TBC1D13: variants seen among roughly 807,000 people sequenced by gnomAD.
TBC1D13 encodes TBC1 domain family member 13, also known as epididymis secretory sperm binding protein.
Under a neutral mutation model 53.6 loss-of-function variants are expected in TBC1D13, and 40 were observed. That is an observed-to-expected ratio of 0.75 (90% CI 0.58 to 0.97). The LOEUF is 0.97. Among genes scored for constraint, TBC1D13 ranks in the 50% least tolerant of loss-of-function variants. The probability of loss-of-function intolerance (pLI) is 0.00; values close to 1 mark genes in which losing one functional copy is unlikely to be tolerated. For missense variants in TBC1D13, 377 were observed against 499.4 expected, an observed-to-expected ratio of 0.75 and a Z score of 2.34; for synonymous variants, 182 against 197.7, an observed-to-expected ratio of 0.92 and a Z score of 0.67.
chr9:128,795,485 G>T (rs573087281), intron 6 of TBC1D13, among the ~76,000 whole-genome samples: 2 of 94,356 alleles, frequency 2.1e-5, no homozygotes, highest in African/African-American at 4.3e-5. Context: ...TTTTGGGAAG[G>T]AGTCTCACTC....
At chr9:128,806,616 G>T (rs1253335901) in intron 11 of TBC1D13, among the ~76,000 whole-genome samples, 2 of 152,182 alleles carry the variant, frequency 1.3e-5, no homozygotes, top group Admixed American at 6.5e-5. Flanking sequence ...GCCATGCTCA[G>T]GCCCGGGGAA....
At chr9:128,796,410 C>T (rs967397304) in intron 6 of TBC1D13, among the ~76,000 whole-genome samples, 4 of 152,102 alleles carry the variant, frequency 2.6e-5, no homozygotes, top group African/African-American at 4.8e-5. Flanking sequence ...CCACCACGCC[C>T]GGGTAATTTT....
chr9:128,788,841 C>T (rs1250414566), intron 2 of TBC1D13, among the ~76,000 whole-genome samples: 1 of 152,178 alleles, frequency 6.6e-6, no homozygotes, highest in Non-Finnish European at 1.5e-5. Context: ...GTCTAAGCTG[C>T]CTGAACTAAA....
chr9:128,797,193 G>C lies in TBC1D13; in HGVS notation c.522G>C (p.Arg174=), dbSNP rs761339960. ...CACTGAAATCTCAGACGGTGGCCCG[G>C]AACCGGAGTGGGGTCACAAATGTGA... ...QTTLKSQTVA[R]NRSGVTNMSS... The change falls in exon 7 of 12, where the codon CGG becomes CGC. Residue 174 remains arginine (R), a synonymous_variant. Coordinates refer to ENST00000372648, the MANE Select transcript of TBC1D13 (RefSeq NM_018201.5). 8 of 1,614,058 alleles carry C rather than the reference G, an allele frequency of 5.0e-6. No homozygotes were observed. In the East Asian group the frequency reaches 1.8e-4, roughly 36 times the overall value.
chr9:128,803,070 C>A (rs965377192), intron 7 of TBC1D13, among the ~76,000 whole-genome samples, 180 bp from the exon 8 acceptor site: 31 of 151,794 alleles, frequency 2.0e-4, no homozygotes, highest in African/African-American at 7.5e-4. Flanking sequence ...TTTTTTTCTC[C>A]TGAGACAGGG....
At chr9:128,792,244 C>G (rs1829546580) in intron 5 of TBC1D13, among the ~76,000 whole-genome samples, 1 of 152,240 alleles carries the variant, frequency 6.6e-6, no homozygotes, top group Admixed American at 6.5e-5. Context: ...AACAGAGTCC[C>G]TGCCCAGCAG....
intron 6 of TBC1D13, among the ~76,000 whole-genome samples, chr9:128,794,490 T>G (rs527310304): frequency 2.3e-4 from 35 of 152,254 alleles, no homozygotes; most frequent in African/African-American, 4.6e-4. Context: ...TTTTGTTTTT[T>G]TTTGAGACAG....
chr9:128,802,810 C>T (rs750011649), intron 7 of TBC1D13, among the ~76,000 whole-genome samples: 5 of 150,720 alleles, frequency 3.3e-5, no homozygotes, highest in Non-Finnish European at 5.9e-5. Context: ...TCATAGCTCA[C>T]TGCAGCCTCA....
chr9:128,808,001 C>T lies in TBC1D13; in HGVS notation c.*122C>T. 3.4e-6 allele frequency: 3 copies of T among 875,382 alleles called. No homozygotes were observed. The highest frequency in any genetic ancestry group is 1.4e-5 in the South Asian group (1 of 70,262). 54.2% of individuals were successfully genotyped at this position (875,382 alleles called of 1,614,324 possible). A position where few individuals can be genotyped will look rare whatever the true frequency, so the allele number is the denominator to read the frequency against. On this transcript the variant is annotated 3_prime_UTR_variant, in exon 12 of 12. Coordinates refer to ENST00000372648, the MANE Select transcript of TBC1D13 (RefSeq NM_018201.5). ...GGAAGCCACAGGATCGGCCCGAGAC[C>T]CAGGCCATGCCCACTGGGGACACAC...
chr9:128,791,772 C>A, intron 5 of TBC1D13, 79 bp downstream of exon 5: 1 of 1,258,606 alleles, frequency 7.9e-7, no homozygotes, highest in Non-Finnish European at 1.2e-6. Context: ...AGGGCCCCTG[C>A]ATGCCAGGGG....
intron 8 of TBC1D13, 46 bp downstream of exon 8, chr9:128,803,506 C>G (rs528986046): frequency 6.3e-7 from 1 of 1,580,532 alleles, no homozygotes; most frequent in South Asian, 1.1e-5. Flanking sequence ...TGGCCCGTGT[C>G]AGGCTGTGCA....
rs1554795970 is a variant in TBC1D13, at chr9:128,804,733, T to TTTG, written c.918+616_918+617insGTT. On this transcript the variant is annotated intron_variant, in intron 9 of 11. Transcript: ENST00000372648. ...CCTTTTTTTTCTGTTTTTTTTTTTT[T>TTTG]TTTTTTTTTTTTGAGAAGGACTCTC... 6.4e-3 allele frequency among the ~76,000 whole-genome samples: 659 copies of TTTG among 102,676 alleles called. 15 individuals carry two copies. Among genetic ancestry groups the TTTG allele is most frequent in the African/African-American group, 0.029 (586 of 20,512 alleles). 67.4% of individuals were successfully genotyped at this position (102,676 alleles called of 152,430 possible). A position where few individuals can be genotyped will look rare whatever the true frequency, so the allele number is the denominator to read the frequency against.
At chr9:128,799,607 G>A (rs1829695776) in intron 7 of TBC1D13, among the ~76,000 whole-genome samples, 1 of 152,180 alleles carries the variant, frequency 6.6e-6, no homozygotes, top group Non-Finnish European at 1.5e-5. Flanking sequence ...AGACATTTAA[G>A]GAGTGGCCCG....
At position 128,803,497 on chromosome 9, in the gene TBC1D13, G is replaced by A. The variant is rs373365227; in HGVS notation, c.754+37G>A. On this transcript the variant is annotated intron_variant, in intron 8 of 11. Transcript: ENST00000372648. ...CTTGGTGCCCACATCCCTCGTTGCT[G>A]GCCCGTGTCAGGCTGTGCACCTCAC... is the stretch of plus-strand genomic sequence containing the variant. The A allele has an allele frequency of 7.6e-5, 121 of 1,601,548 alleles. 2 individuals carry two copies. The South Asian group carries it at 1.2e-3, about 16-fold the overall frequency.
Position 128,788,339 on chromosome 9 carries a change from C to A in TBC1D13, c.29C>A (p.Ala10Glu), listed in dbSNP as rs894115623. ...CGCCCTATCTCCCCTTCCAGAATTGCAGATTTCCAGGATGTCCTGAAGGAG... is the reference window on the plus strand; with the variant it reads ...CGCCCTATCTCCCCTTCCAGAATTGAAGATTTCCAGGATGTCCTGAAGGAG... MSSLHKSRI[A>E]DFQDVLKEPS... is the part of the protein sequence containing the mutation. The change falls in exon 2 of 12, where the codon GCA becomes GAA. Residue 10 changes from alanine to glutamate, a missense_variant. Transcript: ENST00000372648. The A allele has an allele frequency of 3.7e-6, 6 of 1,614,034 alleles. No individual in the cohort carries two copies. In the African/African-American group the frequency reaches 6.7e-5, roughly 18 times the overall value.
rs1246138911 is a variant in TBC1D13, at chr9:128,808,999, C to T, written c.*1120C>T. 1 of 152,186 alleles carries T rather than the reference C, an allele frequency of 6.6e-6. No homozygotes were observed. Among genetic ancestry groups the T allele is most frequent in the Non-Finnish European group, 1.5e-5 (1 of 68,078 alleles). The allele number at this position is 152,186 out of a possible 1,614,324, so 9.4% of individuals were successfully genotyped here. On this transcript the variant is annotated 3_prime_UTR_variant, in exon 12 of 12. Transcript: ENST00000372648. ...TGATTCTGAGCCCAGGGTCGGAACC[C>T]ATTGCTTCAGAAGAGTTGTCATTCC...
At chr9:128,802,824 T>C (rs550891497) in intron 7 of TBC1D13, among the ~76,000 whole-genome samples, 1 of 150,118 alleles carries the variant, frequency 6.7e-6, no homozygotes, top group African/African-American at 2.4e-5. Flanking sequence ...AGCCTCAGCC[T>C]CGTGGTCTCA....
In TBC1D13 at chr9:128,787,307, A is replaced by AGAGGCGCAGGCGGCG. The variant is rs746623359; in HGVS notation, c.-40_-26dup. 6.2e-5 allele frequency: 78 copies of AGAGGCGCAGGCGGCG among 1,255,538 alleles called. No homozygotes were observed. Among genetic ancestry groups the AGAGGCGCAGGCGGCG allele is most frequent in the Admixed American group, 4.6e-4 (11 of 23,784 alleles). The allele number at this position is 1,255,538 out of a possible 1,614,324, so 77.8% of individuals were successfully genotyped here. ...CGGCGGCGGCGGCAGCGCAGGCGGC[A>AGAGGCGCAGGCGGCG]GAGGCGCAGGCGGCGGAGGCGGCTG... On this transcript the variant is annotated 5_prime_UTR_variant, in exon 1 of 12. Transcript: ENST00000372648.
intron 7 of TBC1D13, among the ~76,000 whole-genome samples, chr9:128,799,259 C>T (rs1254034380): frequency 6.6e-6 from 1 of 152,184 alleles, no homozygotes; most frequent in African/African-American, 2.4e-5. Flanking sequence ...AGCACTGTTA[C>T]CTGGTTTAAC....
Sources: gnomAD v4.1 joint callset for allele counts (sites outside exome capture counted in the v4.1 genomes callset) on GRCh38, gnomAD v4.1.1 for gene constraint, MANE v1.5 for transcripts, NCBI Gene and HGNC (gene_info 2026-07-23, HGNC 2026-07-21) for gene names.